HMCN2: variants seen among roughly 807,000 people sequenced by gnomAD.
The protein encoded by HMCN2 is hemicentin-2.
In HMCN2, 325 loss-of-function variants were observed where a neutral mutation model predicts 377.5. That is an observed-to-expected ratio of 0.86 (90% CI 0.79 to 0.94). The LOEUF is 0.94. Ranked by LOEUF, HMCN2 falls within the 40% of genes least tolerant of loss-of-function variation. The pLI is 0.00. For synonymous variants in HMCN2, 2,007 were observed against 2,046.8 expected (o/e 0.98, Z 0.53); for missense variants, 4,543 against 4,725.3 (o/e 0.96, Z 1.13).
chr9:130,406,164 CA>C lies in HMCN2; in HGVS notation c.12550del (p.Thr4184GlnfsTer45). The C allele has an allele frequency of 7.8e-7, 1 of 1,289,818 alleles. No individual in the cohort carries two copies. Among genetic ancestry groups the C allele is most frequent in the Non-Finnish European group, 1.0e-6 (1 of 988,864 alleles). 79.9% of individuals were successfully genotyped at this position (1,289,818 alleles called of 1,614,324 possible). A position where few individuals can be genotyped will look rare whatever the true frequency, so the allele number is the denominator to read the frequency against. ...IGWTVNDRPVTEGVSEQDGGS... is the reference protein window; with the variant it reads ...IGWTVNDRPVXEGVSEQDGGS... ...GCTGGACTGTCAACGACCGGCCAGT[CA>C]CAGGTCTGGGTCTGCTGGGCATGGG... On this transcript the variant is annotated frameshift_variant, in exon 82 of 98. Transcript: ENST00000683500. LOFTEE classifies it high-confidence loss of function.
In HMCN2 at chr9:130,398,674, A is replaced by G. The variant is rs1470438068; in HGVS notation, c.11450A>G (p.Lys3817Arg). 7.8e-7 allele frequency: 1 copy of G among 1,289,604 alleles called. No individual in the cohort carries two copies. The highest frequency in any genetic ancestry group is 2.3e-5 in the Admixed American group (1 of 43,562). The allele number at this position is 1,289,604 out of a possible 1,614,324, so 79.9% of individuals were successfully genotyped here. A position where few individuals can be genotyped will look rare whatever the true frequency, so the allele number is the denominator to read the frequency against. ...PLVVWWKDGQ[K>R]LDFRLQQGAY... ...GTGGTCTGGTGGAAGGACGGACAGA[A>G]GCTGGACTTCCGCCTGCAGCAGGGC... The change falls in exon 75 of 98, where the codon AAG becomes AGG. Residue 3817 changes from lysine (K) to arginine (R), a missense_variant. This residue lies in a region of HMCN2 where 1,073 missense variants were observed against 1,319.5 expected (regional missense o/e 0.81). Coordinates refer to ENST00000683500, the MANE Select transcript of HMCN2 (RefSeq NM_001291815.2).
At chr9:130,370,590 C>A (rs921526260) in intron 45 of HMCN2, among the ~76,000 whole-genome samples, 2 of 152,238 alleles carry the variant, frequency 1.3e-5, no homozygotes, top group Non-Finnish European at 2.9e-5. Flanking sequence ...CACTTAGCTT[C>A]CACACGTGGA....
intron 4 of HMCN2, among the ~76,000 whole-genome samples, chr9:130,291,350 C>T (rs549671029): frequency 1.3e-5 from 2 of 152,260 alleles, no homozygotes; most frequent in African/African-American, 4.8e-5. Flanking sequence ...GCTGGGATTA[C>T]GGGCGCCTGC....
chr9:130,355,304 G>C lies in HMCN2; in HGVS notation c.5146+260G>C, dbSNP rs1462004737. On this transcript the variant is annotated intron_variant, in intron 32 of 97. Transcript: ENST00000683500. ...CCTGGGCTGGGTCACCCAGGACAGA[G>C]GACCTCGTTCTGCCTTCTGCCAATG... Among the ~76,000 whole-genome samples the C allele has an allele frequency of 2.6e-5, 4 of 152,190 alleles. No homozygotes were observed. The South Asian group carries it at 6.2e-4, about 24-fold the overall frequency.
intron 55 of HMCN2, among the ~76,000 whole-genome samples, 182 bp downstream of exon 55, chr9:130,382,479 C>T (rs559281183): frequency 6.6e-6 from 1 of 152,320 alleles, no homozygotes; most frequent in South Asian, 2.1e-4. Context: ...CAGAAGCTTC[C>T]TAGCTGTGTG....
chr9:130,425,052 C>G lies in HMCN2; in HGVS notation c.13563C>G (p.Pro4521=), dbSNP rs956560731. ...CCCAGGTGGCCCGGGGTCTGGATCC[C>G]GATGGCCTCCTGCTCCTCGACGTGG... ...TMTQVARGLD[P]DGLLLLDVVV... is the part of the protein sequence containing the mutation. The change falls in exon 89 of 98, where the codon CCC becomes CCG. Residue 4521 remains proline (P), a synonymous_variant. Coordinates refer to ENST00000683500, the MANE Select transcript of HMCN2 (RefSeq NM_001291815.2). 1 of 1,550,010 alleles carries G rather than the reference C, an allele frequency of 6.5e-7. No homozygotes were observed. The highest frequency in any genetic ancestry group is 2.4e-5 in the East Asian group (1 of 40,936).
chr9:130,378,960 TA>T (rs1183379549), intron 53 of HMCN2, among the ~76,000 whole-genome samples: 3 of 152,148 alleles, frequency 2.0e-5, no homozygotes, highest in Admixed American at 6.5e-5. Context: ...TGAAGCTTAG[TA>T]TCTGGCTTCC....
intron 77 of HMCN2, 88 bp downstream of exon 77, chr9:130,401,035 G>C: frequency 8.7e-7 from 1 of 1,144,556 alleles, no homozygotes; most frequent in Non-Finnish European, 1.1e-6. Flanking sequence ...GGCGGAATAG[G>C]ATGGAACTAT....
chr9:130,298,103 C>T (rs189630391), intron 7 of HMCN2, among the ~76,000 whole-genome samples: 63 of 152,160 alleles, frequency 4.1e-4, no homozygotes, highest in African/African-American at 1.1e-3. Flanking sequence ...TATAGGTGCG[C>T]GCTACACACC....
In HMCN2 at chr9:130,379,389, G is replaced by C. The variant is rs1408687286; in HGVS notation, c.8353G>C (p.Ala2785Pro). ...AGCCTACCTGTACTGCGACACCAAC[G>C]CGATCCCACCCCCGGACCTCACCTG... ...NPAYLYCDTN[A>P]IPPPDLTWYR... The change falls in exon 54 of 98, where the codon GCG (alanine) becomes CCG (proline). Residue 2785 changes from alanine (A) to proline (P), a missense_variant. Physicochemically the swap from Ala to Pro is conservative, Grantham distance 27 (BLOSUM62 -1). This residue lies in a region of HMCN2 where 736 missense variants were observed against 773.2 expected (regional missense o/e 0.95). Transcript: ENST00000683500. 1 of 985,782 alleles carries C rather than the reference G, an allele frequency of 1.0e-6. No homozygotes were observed. The highest frequency in any genetic ancestry group is 1.2e-6 in the Non-Finnish European group (1 of 829,940). 61.1% of individuals were successfully genotyped at this position (985,782 alleles called of 1,614,324 possible). A position where few individuals can be genotyped will look rare whatever the true frequency, so the allele number is the denominator to read the frequency against.
chr9:130,404,650 C>T (rs1012068077), intron 80 of HMCN2, among the ~76,000 whole-genome samples: 1 of 152,322 alleles, frequency 6.6e-6, no homozygotes, highest in East Asian at 1.9e-4. Context: ...TGTGTGTACA[C>T]GTGTGCACAG....
chr9:130,323,864 G>A (rs975792068), intron 19 of HMCN2, among the ~76,000 whole-genome samples: 4 of 151,976 alleles, frequency 2.6e-5, no homozygotes, highest in African/African-American at 7.3e-5. Flanking sequence ...CACCATGCCC[G>A]GCTAATTTTT....
chr9:130,356,071 C>T lies in HMCN2; in HGVS notation c.5256-17C>T. The T allele has an allele frequency of 1.6e-6, 2 of 1,255,262 alleles. No homozygotes were observed. The highest frequency in any genetic ancestry group is 5.7e-5 in the East Asian group (1 of 17,548). The allele number at this position is 1,255,262 out of a possible 1,614,324, so 77.8% of individuals were successfully genotyped here. ...CCTGGTCTCAGGTTGACACGCCCCCCTCCCTACTCACCTTAGGTGGCTGCA... is the reference window on the plus strand; with the variant it reads ...CCTGGTCTCAGGTTGACACGCCCCCTTCCCTACTCACCTTAGGTGGCTGCA... On this transcript the variant is annotated splice_polypyrimidine_tract_variant and intron_variant, in intron 33 of 97. Transcript: ENST00000683500.
chr9:130,339,849 G>A (rs1325435460), intron 23 of HMCN2, among the ~76,000 whole-genome samples: 4 of 152,208 alleles, frequency 2.6e-5, no homozygotes, highest in African/African-American at 9.6e-5. Context: ...CAGAAGCTGC[G>A]TAGGGGGTGG....
chr9:130,385,819 G>C (rs1342337730), intron 60 of HMCN2, 57 bp downstream of exon 60: 2 of 1,200,470 alleles, frequency 1.7e-6, no homozygotes, highest in African/African-American at 3.1e-5. Context: ...TCGCCTCCCA[G>C]CCCTGGCGAG....
intron 15 of HMCN2, among the ~76,000 whole-genome samples, chr9:130,315,911 C>G (rs1051392051): frequency 6.6e-6 from 1 of 152,138 alleles, no homozygotes; most frequent in African/African-American, 2.4e-5. Context: ...CATGACTTAC[C>G]CAACCTCCAT....
Position 130,429,604 on chromosome 9 carries a change from C to T in HMCN2, c.14245C>T (p.Leu4749Phe). 6.5e-7 allele frequency: 1 copy of T among 1,550,346 alleles called. No individual in the cohort carries two copies. The highest frequency in any genetic ancestry group is 8.7e-7 in the Non-Finnish European group (1 of 1,146,840). ...GTTGGACGACTGTCACTACAACCAG[C>T]TCTGCGAGAACACCCCAGGCGGTCA... The part of the protein sequence containing the change: ...EGLDDCHYNQ[L>F]CENTPGGHRC... The change falls in exon 94 of 98, where the codon CTC becomes TTC. Residue 4749 changes from leucine to phenylalanine, a missense_variant. Coordinates refer to ENST00000683500, the MANE Select transcript of HMCN2 (RefSeq NM_001291815.2).
intron 62 of HMCN2, 87 bp downstream of exon 62, chr9:130,388,627 G>A (rs1460341672): frequency 4.2e-6 from 4 of 943,678 alleles, no homozygotes; most frequent in Admixed American, 6.2e-5. Flanking sequence ...GAAGTTATTG[G>A]TTGTTGATGA....
intron 61 of HMCN2, among the ~76,000 whole-genome samples, chr9:130,387,163 A>C (rs1167242235): frequency 1.3e-5 from 2 of 152,234 alleles, no homozygotes. Context: ...TTGATTGGAC[A>C]TGTGGCTCCA....
Sources: gnomAD v4.1 joint callset for allele counts (sites outside exome capture counted in the v4.1 genomes callset) on GRCh38, gnomAD v4.1.1 for gene constraint, gnomAD v4.1.1 regional missense constraint, MANE v1.5 for transcripts, NCBI Gene and HGNC (gene_info 2026-07-23, HGNC 2026-07-21) for gene names.